Variants in PRKCA observed in about 807,000 individuals in gnomAD.
PRKCA encodes protein kinase C alpha, also known as protein kinase C alpha type.
Under a neutral mutation model 87.0 loss-of-function variants are expected in PRKCA, and 27 were observed. That is an observed-to-expected ratio of 0.31 (90% CI 0.23 to 0.43). The LOEUF (loss-of-function observed/expected upper bound fraction) is 0.43, where lower values mean the gene tolerates loss of function less well. Among genes scored for constraint, PRKCA ranks in the 20% least tolerant of loss-of-function variants. PRKCA has a pLI of 1.00. For missense variants in PRKCA, 518 were observed against 852.3 expected, an observed-to-expected ratio of 0.61 and a Z score of 4.88; for synonymous variants, 329 against 311.1, an observed-to-expected ratio of 1.06 and a Z score of -0.61.
intron 5 of PRKCA, among the ~76,000 whole-genome samples, chr17:66,678,766 AG>A (rs1972407576): frequency 6.6e-6 from 1 of 151,786 alleles, no homozygotes; most frequent in Non-Finnish European, 1.5e-5. Flanking sequence ...ACACTGTTTT[AG>A]ATACATTTAT....
chr17:66,487,243 G>A (rs1916023384), intron 2 of PRKCA, among the ~76,000 whole-genome samples: 1 of 151,836 alleles, frequency 6.6e-6, no homozygotes, highest in African/African-American at 2.4e-5. Context: ...TACTTTTTTA[G>A]CTCCCACATA....
intron 2 of PRKCA, among the ~76,000 whole-genome samples, chr17:66,314,883 G>A (rs1226889362): frequency 3.3e-5 from 5 of 151,352 alleles, no homozygotes; most frequent in East Asian, 1.9e-4. Context: ...ATATGTGTGT[G>A]TGTGTGTGTG....
At chr17:66,402,271 CCTTTG>C (rs1911077107) in intron 2 of PRKCA, among the ~76,000 whole-genome samples, 1 of 151,996 alleles carries the variant, frequency 6.6e-6, no homozygotes, top group African/African-American at 2.4e-5. Context: ...ATCCTTAGGA[CCTTTG>C]TCCAGGCGGT....
intron 5 of PRKCA, among the ~76,000 whole-genome samples, chr17:66,651,687 T>C (rs12450147): frequency 0.58 from 87,491 of 151,958 alleles, 25,270 homozygotes; most frequent in Admixed American, 0.6. Context: ...TAGATGGTGA[T>C]GCAGCAGATG....
intron 2 of PRKCA, among the ~76,000 whole-genome samples, chr17:66,434,710 T>A (rs1913281798): frequency 6.6e-6 from 1 of 152,158 alleles, no homozygotes; most frequent in African/African-American, 2.4e-5. Context: ...AAACTTTGGT[T>A]CCTCGGCTTG....
chr17:66,581,907 G>A (rs1273325406), intron 3 of PRKCA, among the ~76,000 whole-genome samples: 1 of 152,230 alleles, frequency 6.6e-6, no homozygotes, highest in East Asian at 1.9e-4. Flanking sequence ...GTCTCTTTGG[G>A]CAAGTTTTAA....
chr17:66,488,143 T>C (rs1916066229), intron 2 of PRKCA, among the ~76,000 whole-genome samples: 1 of 152,144 alleles, frequency 6.6e-6, no homozygotes, highest in East Asian at 1.9e-4. Flanking sequence ...AACTTGCCCC[T>C]TGGTCTTCTC....
At chr17:66,411,313 G>A (rs1350398438) in intron 2 of PRKCA, among the ~76,000 whole-genome samples, 1 of 149,484 alleles carries the variant, frequency 6.7e-6, no homozygotes, top group Non-Finnish European at 1.5e-5. Context: ...GGGGTCAAAG[G>A]ATCCTGCCAA....
At position 66,711,519 on chromosome 17, in the gene PRKCA, A is replaced by G. The variant is rs571023818; in HGVS notation, c.919-21169A>G. ...TGCAACTTGCATGTAAATGGTTTTAAAAACCTGGTCTATTATTGTCATTTC... is the reference window on the plus strand; with the variant it reads ...TGCAACTTGCATGTAAATGGTTTTAGAAACCTGGTCTATTATTGTCATTTC... On this transcript the variant is annotated intron_variant, in intron 8 of 16. Transcript: ENST00000413366. 3.9e-5 allele frequency among the ~76,000 whole-genome samples: 6 copies of G among 152,320 alleles called. No homozygotes were observed. In the South Asian group the frequency reaches 1.2e-3, roughly 32 times the overall value.
At chr17:66,570,287 G>A (rs904006180) in intron 3 of PRKCA, among the ~76,000 whole-genome samples, 1 of 152,148 alleles carries the variant, frequency 6.6e-6, no homozygotes, top group Non-Finnish European at 1.5e-5. Flanking sequence ...GACGATGGAC[G>A]GGTTTGTGGA....
chr17:66,372,581 T>A (rs1207355428), intron 2 of PRKCA, among the ~76,000 whole-genome samples: 1 of 152,238 alleles, frequency 6.6e-6, no homozygotes, highest in Non-Finnish European at 1.5e-5. Context: ...CATCCTGAAA[T>A]CCTTAAATTT....
In PRKCA at chr17:66,360,609, G is replaced by A. The variant is rs544392100; in HGVS notation, c.205+54482G>A. Among the ~76,000 whole-genome samples, 15 of 152,294 alleles carry A rather than the reference G, an allele frequency of 9.8e-5. No individual in the cohort carries two copies. In the South Asian group the frequency reaches 2.7e-3, roughly 27 times the overall value. ...AGCTGGGAACAGGGATACTAATGAG[G>A]AAGGACAAGCTCTTCGATTTCAGGT... On this transcript the variant is annotated intron_variant, in intron 2 of 16. Coordinates refer to ENST00000413366, the MANE Select transcript of PRKCA (RefSeq NM_002737.3).
At chr17:66,407,462 G>A (rs553359395) in intron 2 of PRKCA, among the ~76,000 whole-genome samples, 55 of 152,248 alleles carry the variant, frequency 3.6e-4, no homozygotes, top group Non-Finnish European at 6.6e-4. Context: ...GAAGCCAAGC[G>A]GAAGCCACTG....
chr17:66,739,777 G>A (rs7220713), intron 11 of PRKCA, among the ~76,000 whole-genome samples: 5,499 of 152,010 alleles, frequency 0.036, 345 homozygotes, highest in African/African-American at 0.13. Context: ...GGGAAGGGGG[G>A]AACGTGGTAG....
chr17:66,498,565 G>T (rs1189801977), intron 3 of PRKCA, among the ~76,000 whole-genome samples: 2 of 152,144 alleles, frequency 1.3e-5, no homozygotes, highest in Non-Finnish European at 2.9e-5. Context: ...TAGTCCTGGG[G>T]TATAACACTA....
At chr17:66,445,435 G>C (rs566407745) in intron 2 of PRKCA, among the ~76,000 whole-genome samples, 1 of 152,228 alleles carries the variant, frequency 6.6e-6, no homozygotes, top group African/African-American at 2.4e-5. Flanking sequence ...GAATTACCTC[G>C]GAGTAGAAGG....
chr17:66,517,243 C>T (rs1277901390), intron 3 of PRKCA, among the ~76,000 whole-genome samples: 1 of 152,108 alleles, frequency 6.6e-6, no homozygotes, highest in Non-Finnish European at 1.5e-5. Flanking sequence ...GAGATTGGGC[C>T]ACTACACTCC....
At chr17:66,496,746 C>T (rs1406201979) in intron 3 of PRKCA, among the ~76,000 whole-genome samples, 1 of 151,260 alleles carries the variant, frequency 6.6e-6, no homozygotes, top group African/African-American at 2.4e-5. Context: ...CAGGTTCAAG[C>T]GATTTTCCTG....
chr17:66,336,000 C>T (rs1409932212), intron 2 of PRKCA, among the ~76,000 whole-genome samples: 1 of 152,142 alleles, frequency 6.6e-6, no homozygotes, highest in Non-Finnish European at 1.5e-5. Flanking sequence ...ATTTTATCTT[C>T]CCAGACACCA....
Sources: allele counts gnomAD v4.1 joint callset (sites outside exome capture counted in the v4.1 genomes callset), GRCh38; gene constraint gnomAD v4.1.1; transcripts MANE v1.5; gene names NCBI Gene and HGNC (gene_info 2026-07-23, HGNC 2026-07-21).